Variants in MEIS1 observed in about 807,000 individuals in gnomAD.
MEIS1 encodes homeobox protein Meis1.
A neutral mutation model predicts 50.8 loss-of-function variants in MEIS1; 5 were observed. The ratio of observed to expected loss-of-function variants is 0.10; its 90% CI spans 0.05 to 0.21. The LOEUF (loss-of-function observed/expected upper bound fraction) is 0.21. MEIS1 is among the 10% of genes least tolerant of loss of function. MEIS1 has a pLI of 1.00. For missense variants in MEIS1, 318 were observed against 517.3 expected, an observed-to-expected ratio of 0.61 and a Z score of 3.74; for synonymous variants, 176 against 179.3, an observed-to-expected ratio of 0.98 and a Z score of 0.15.
chr2:66,509,296 C>G (rs1673765738), intron 7 of MEIS1, among the ~76,000 whole-genome samples: 1 of 152,212 alleles, frequency 6.6e-6, no homozygotes, highest in Admixed American at 6.5e-5. Context: ...ATTTCCCTAA[C>G]TTGTGTCGGA....
At chr2:66,484,477 ATTATAGGTGG>A (rs754900980) in intron 7 of MEIS1, among the ~76,000 whole-genome samples, 104 of 152,086 alleles carry the variant, frequency 6.8e-4, no homozygotes, top group Non-Finnish European at 1.2e-3. Flanking sequence ...TTCTCAAGGG[ATTATAGGTGG>A]TTTTCTAACA....
intron 8 of MEIS1, among the ~76,000 whole-genome samples, chr2:66,514,820 A>G (rs1486913943): frequency 1.3e-5 from 2 of 152,200 alleles, no homozygotes; most frequent in African/African-American, 4.8e-5. Context: ...ACCTCCAGCT[A>G]TAAGGAACAC....
At chr2:66,569,334 T>C in intron 12 of MEIS1, 189 bp downstream of exon 12, 2 of 505,870 alleles carry the variant, frequency 4.0e-6, no homozygotes, top group Non-Finnish European at 3.5e-6. Flanking sequence ...CTGTGTATGA[T>C]GTACATTTAT....
chr2:66,488,545 G>C (rs1673196560), intron 7 of MEIS1, among the ~76,000 whole-genome samples: 1 of 152,078 alleles, frequency 6.6e-6, no homozygotes, highest in African/African-American at 2.4e-5. Flanking sequence ...GGGCATGGTG[G>C]TGGGCGCCTG....
At chr2:66,466,298 C>T (rs959925238) in intron 7 of MEIS1, among the ~76,000 whole-genome samples, 1 of 152,218 alleles carries the variant, frequency 6.6e-6, no homozygotes, top group African/African-American at 2.4e-5. Context: ...GAATAACTTC[C>T]ACTGTCATCA....
At chr2:66,518,409 A>G (rs1038797275) in intron 8 of MEIS1, among the ~76,000 whole-genome samples, 6 of 152,176 alleles carry the variant, frequency 3.9e-5, no homozygotes, top group African/African-American at 1.4e-4. Context: ...CCCAAGGTTA[A>G]GATACAGATA....
At chr2:66,567,004 T>A (rs1274226797) in intron 9 of MEIS1, among the ~76,000 whole-genome samples, 1 of 152,014 alleles carries the variant, frequency 6.6e-6, no homozygotes, top group Non-Finnish European at 1.5e-5. Context: ...TTGCAAGAGG[T>A]AGGGGTGGTT....
Position 66,440,618 on chromosome 2 carries a change from A to C in MEIS1, c.432+6A>C. On this transcript the variant is annotated splice_donor_region_variant and intron_variant, in intron 4 of 12. Coordinates refer to ENST00000272369, the MANE Select transcript of MEIS1 (RefSeq NM_002398.3). ...ATCCAGAACTGGATAACTTGGTAAG[A>C]GCGGACCCCTATTTCCCTCCCCCGC... The C allele has an allele frequency of 6.2e-7, 1 of 1,608,322 alleles. No homozygotes were observed. The highest frequency in any genetic ancestry group is 8.5e-7 in the Non-Finnish European group (1 of 1,176,938).
intron 12 of MEIS1, chr2:66,570,275 A>G (rs532157264): frequency 6.6e-6 from 1 of 152,282 alleles, no homozygotes; most frequent in African/African-American, 2.4e-5. Context: ...GTTAATTTAA[A>G]TATTGTTTCT....
intron 9 of MEIS1, among the ~76,000 whole-genome samples, chr2:66,562,592 G>A (rs1201580048): frequency 1.3e-5 from 2 of 151,926 alleles, no homozygotes; most frequent in Non-Finnish European, 2.9e-5. Context: ...TTGCTCCCCT[G>A]CCAACTTTCC....
chr2:66,555,254 T>TCC (rs1675026647), intron 9 of MEIS1, among the ~76,000 whole-genome samples: 5 of 35,474 alleles, frequency 1.4e-4, no homozygotes, highest in Non-Finnish European at 3.0e-4. Flanking sequence ...TGTGTACGTG[T>TCC]TCTCTCTCTC....
At chr2:66,507,846 T>C (rs1248096856) in intron 7 of MEIS1, among the ~76,000 whole-genome samples, 3 of 152,194 alleles carry the variant, frequency 2.0e-5, no homozygotes, top group African/African-American at 7.2e-5. Context: ...CTCGGGATGT[T>C]TGAGTTGAGA....
At chr2:66,536,911 T>A (rs1365720404) in intron 8 of MEIS1, among the ~76,000 whole-genome samples, 1 of 152,204 alleles carries the variant, frequency 6.6e-6, no homozygotes, top group African/African-American at 2.4e-5. Flanking sequence ...TGTGAAGACT[T>A]TTTAAATTTT....
chr2:66,494,722 G>T (rs1673356164), intron 7 of MEIS1, among the ~76,000 whole-genome samples: 1 of 152,140 alleles, frequency 6.6e-6, no homozygotes, highest in Non-Finnish European at 1.5e-5. Flanking sequence ...TCACATATAT[G>T]ATCTCGCTTG....
Position 66,441,402 on chromosome 2 carries a change from G to T in MEIS1, c.433-12G>T. ...CAGGAATGGGGTGCTTATTGTTTTT[G>T]TATCTTTGCAGATGATTCAAGCCAT... On this transcript the variant is annotated splice_polypyrimidine_tract_variant and intron_variant, in intron 4 of 12. Transcript: ENST00000272369. 3.2e-6 allele frequency: 5 copies of T among 1,540,168 alleles called. No homozygotes were observed. Among genetic ancestry groups the T allele is most frequent in the East Asian group, 2.4e-5 (1 of 41,146 alleles).
intron 2 of MEIS1, chr2:66,439,416 C>A (rs1671892352): frequency 8.5e-6 from 11 of 1,297,430 alleles, no homozygotes; most frequent in Non-Finnish European, 1.1e-5. Flanking sequence ...GCGCGGCCGC[C>A]TAGGAGGAAC....
chr2:66,545,250 T>G (rs1221195141), intron 8 of MEIS1, among the ~76,000 whole-genome samples: 1 of 152,202 alleles, frequency 6.6e-6, no homozygotes, highest in African/African-American at 2.4e-5. Flanking sequence ...CTGCAAGTGA[T>G]TTCTGTAAGA....
Position 66,464,186 on chromosome 2 carries a change from C to T in MEIS1, c.708C>T (p.His236=). The part of the protein sequence containing the change: ...GGTPGPSSGG[H]TSHSGDNSSE... ...CCCCAGGCCCTTCCAGCGGTGGCCA[C>T]ACGTCACACAGTGGGGACAACAGCA... The change falls in exon 7 of 13, where the codon CAC becomes CAT. Residue 236 remains histidine (H), a synonymous_variant. Transcript: ENST00000272369. 1 of 1,603,884 alleles carries T rather than the reference C, an allele frequency of 6.2e-7. No homozygotes were observed. Among genetic ancestry groups the T allele is most frequent in the Non-Finnish European group, 8.5e-7 (1 of 1,175,426 alleles).
chr2:66,564,820 C>G (rs1448596780), intron 9 of MEIS1, among the ~76,000 whole-genome samples: 1 of 151,826 alleles, frequency 6.6e-6, no homozygotes, highest in Non-Finnish European at 1.5e-5. Context: ...TGTGCTGCCC[C>G]CATTAACTCG....
Sources: gnomAD v4.1 joint callset for allele counts (sites outside exome capture counted in the v4.1 genomes callset) on GRCh38, gnomAD v4.1.1 for gene constraint, MANE v1.5 for transcripts, NCBI Gene and HGNC (gene_info 2026-07-23, HGNC 2026-07-21) for gene names.